The following NAF1 variants were observed in gnomAD, a reference collection of about 807,000 sequenced individuals.
NAF1 encodes nuclear assembly factor 1 ribonucleoprotein, also known as H/ACA ribonucleoprotein complex non-core subunit NAF1.
NAF1 carries 11 observed loss-of-function variants against 40.6 expected under a neutral mutation model. The observed-to-expected ratio is 0.27, with a 90% confidence interval of 0.17 to 0.45. The LOEUF (loss-of-function observed/expected upper bound fraction) is 0.45. Ranked by LOEUF, NAF1 falls within the 20% of genes least tolerant of loss-of-function variation. NAF1 has a pLI of 1.00. For missense variants in NAF1, 607 were observed against 611.1 expected, an observed-to-expected ratio of 0.99 and a Z score of 0.07; for synonymous variants, 260 against 228.5, an observed-to-expected ratio of 1.14 and a Z score of -1.24.
At chr4:163,137,307 T>G (rs1731098814) in intron 5 of NAF1, 57 bp from the exon 6 acceptor site, 1 of 1,547,230 alleles carries the variant, frequency 6.5e-7, no homozygotes, top group African/African-American at 1.4e-5. Context: ...TATTAAGTGC[T>G]CATAACTTAA....
At chr4:163,110,195 C>G in exon 3 of NAF1, 1 of 649,704 alleles carries the variant, frequency 1.5e-6, no homozygotes, top group Admixed American at 2.4e-5. Flanking sequence ...CTTGCTGTTA[C>G]CATCACCAGC....
At chr4:163,148,262 T>G (rs1164163967) in intron 3 of NAF1, 79 bp downstream of exon 3, 11 of 821,422 alleles carry the variant, frequency 1.3e-5, no homozygotes, top group African/African-American at 1.2e-4. Context: ...CAAAGAAAAT[T>G]TACTAGTCAT....
rs1732369798 is a variant in NAF1, at chr4:163,164,488, T to C, written c.366-97A>G. On this transcript the variant is annotated intron_variant, in intron 1 of 7. Transcript: ENST00000274054. ...TAAGAAATATCAACTTTAATACAAG[T>C]TTACTATTGCTTATTCTAATATTAA... 8.1e-6 allele frequency: 7 copies of C among 861,374 alleles called. No homozygotes were observed. The South Asian group carries it at 1.7e-4, about 21-fold the overall frequency. 53.4% of individuals were successfully genotyped at this position (861,374 alleles called of 1,614,324 possible).
intron 2 of NAF1, among the ~76,000 whole-genome samples, chr4:163,149,273 A>G (rs1731598258): frequency 6.6e-6 from 1 of 152,198 alleles, no homozygotes; most frequent in South Asian, 2.1e-4. Flanking sequence ...GATGGCTTGA[A>G]GTGCAAAGAC....
chr4:163,163,857 G>T (rs1013175338), intron 2 of NAF1, among the ~76,000 whole-genome samples: 9 of 151,458 alleles, frequency 5.9e-5, no homozygotes, highest in Non-Finnish European at 1.2e-4. Context: ...GATTTCAATT[G>T]CTATTGAAAT....
intron 2 of NAF1, among the ~76,000 whole-genome samples, chr4:163,154,733 T>C (rs1731900030): frequency 6.6e-6 from 1 of 152,106 alleles, no homozygotes; most frequent in South Asian, 2.1e-4. Flanking sequence ...TAGCCAGGCA[T>C]GGTGGCAGGC....
At chr4:163,118,752 CAAAA>C (rs1405260051) in intron 2 of NAF1, among the ~76,000 whole-genome samples, 1 of 148,668 alleles carries the variant, frequency 6.7e-6, no homozygotes, top group Non-Finnish European at 1.5e-5. Context: ...GACGCTGTCT[CAAAA>C]AAAGAAAAAA....
intron 6 of NAF1, chr4:163,136,446 AT>A (rs1308260511): frequency 6.6e-6 from 1 of 151,316 alleles, no homozygotes; most frequent in African/African-American, 2.4e-5. Context: ...ATTTATATAC[AT>A]TTTTATTTTA....
At chr4:163,141,144 C>T (rs919782928) in intron 4 of NAF1, among the ~76,000 whole-genome samples, 1 of 152,110 alleles carries the variant, frequency 6.6e-6, no homozygotes, top group Non-Finnish European at 1.5e-5. Context: ...GCGGGCGGAT[C>T]ACCTGAGGTC....
intron 5 of NAF1, among the ~76,000 whole-genome samples, chr4:163,139,151 G>A (rs540361605): frequency 6.2e-4 from 94 of 152,210 alleles, no homozygotes; most frequent in African/African-American, 2.1e-3. Flanking sequence ...AGTGGTATAA[G>A]TAATCTTCTT....
chr4:163,114,918 T>C (rs1326554234), intron 2 of NAF1, among the ~76,000 whole-genome samples: 1 of 152,112 alleles, frequency 6.6e-6, no homozygotes, highest in East Asian at 1.9e-4. Flanking sequence ...ACTCTGATAA[T>C]TTATTCCTTT....
chr4:163,110,887 A>T (rs952341931), intron 2 of NAF1, among the ~76,000 whole-genome samples: 1 of 152,160 alleles, frequency 6.6e-6, no homozygotes, highest in Non-Finnish European at 1.5e-5. Flanking sequence ...AAATGGATTA[A>T]GGCCTACATC....
chr4:163,150,317 T>C (rs979213790), intron 2 of NAF1, among the ~76,000 whole-genome samples: 28 of 152,114 alleles, frequency 1.8e-4, no homozygotes, highest in Non-Finnish European at 5.9e-5. Flanking sequence ...GGATACAAAG[T>C]AAAAAGTGAA....
At chr4:163,131,226 A>T (rs1051993910) in intron 7 of NAF1, among the ~76,000 whole-genome samples, 9 of 152,190 alleles carry the variant, frequency 5.9e-5, no homozygotes, top group Admixed American at 5.2e-4. Flanking sequence ...GGCATGACCC[A>T]TGAAAGAAAT....
chr4:163,121,951 A>G (rs1465828939), downstream of NAF1, among the ~76,000 whole-genome samples: 1 of 152,246 alleles, frequency 6.6e-6, no homozygotes, highest in Non-Finnish European at 1.5e-5. Flanking sequence ...TTTCTGCAAC[A>G]GAAAATAACT....
chr4:163,137,093 C>T, intron 6 of NAF1, 106 bp downstream of exon 6: 1 of 1,268,798 alleles, frequency 7.9e-7, no homozygotes, highest in Admixed American at 2.0e-5. Flanking sequence ...GGCAGTATGG[C>T]TGCTAGCCAG....
chr4:163,114,912 T>G lies in NAF1; in HGVS notation c.115-4622A>C, dbSNP rs1411282010. Among the ~76,000 whole-genome samples, 4 of 152,148 alleles carry G rather than the reference T, an allele frequency of 2.6e-5. No homozygotes were observed. In the East Asian group the frequency reaches 7.7e-4, roughly 29 times the overall value. ...GTTTCTACTTAATAGAGGACTACTC[T>G]GATAATTTATTCCTTTTTGTATCCA... On this transcript the variant is annotated intron_variant, in intron 2 of 2. Transcript: ENST00000509434.
intron 3 of NAF1, among the ~76,000 whole-genome samples, chr4:163,146,474 A>C (rs1731473875): frequency 6.6e-6 from 1 of 152,190 alleles, no homozygotes; most frequent in East Asian, 1.9e-4. Flanking sequence ...ATCTACCATA[A>C]CAAAGAGAAA....
chr4:163,140,808 A>C (rs1731231839), intron 4 of NAF1, among the ~76,000 whole-genome samples: 1 of 152,236 alleles, frequency 6.6e-6, no homozygotes, highest in Non-Finnish European at 1.5e-5. Flanking sequence ...CAAGCTTCTG[A>C]CTTCAATAGG....
Sources: gnomAD v4.1 joint callset for allele counts (sites outside exome capture counted in the v4.1 genomes callset) on GRCh38, gnomAD v4.1.1 for gene constraint, MANE v1.5 for transcripts, NCBI Gene and HGNC (gene_info 2026-07-23, HGNC 2026-07-21) for gene names.